The following MBOAT7 variants were observed in gnomAD, a reference collection of about 807,000 sequenced individuals.
MBOAT7 encodes membrane-bound acylglycerophosphatidylinositol O-acyltransferase MBOAT7.
MBOAT7 carries 40 observed loss-of-function variants against 47.4 expected under a neutral mutation model. The ratio of observed to expected loss-of-function variants is 0.84; its 90% CI spans 0.66 to 1.10. MBOAT7 has a LOEUF of 1.10. MBOAT7 is among the 50% of genes least tolerant of loss of function. MBOAT7 has a pLI of 0.00. For synonymous variants in MBOAT7, 361 were observed against 292.0 expected (o/e 1.24, Z -2.41); for missense variants, 680 against 655.6 (o/e 1.04, Z -0.41).
chr19:54,174,729 C>T (rs1241249963), intron 7 of MBOAT7, among the ~76,000 whole-genome samples: 1 of 149,514 alleles, frequency 6.7e-6, no homozygotes, highest in Non-Finnish European at 1.5e-5. Flanking sequence ...AGACCAGACC[C>T]CACCTCCCTC....
At chr19:54,175,142 A>AT (rs1351404315) in intron 7 of MBOAT7, among the ~76,000 whole-genome samples, 1 of 151,740 alleles carries the variant, frequency 6.6e-6, no homozygotes, top group Non-Finnish European at 1.5e-5. Flanking sequence ...CGCCCGGCTA[A>AT]TTTTCTTTTC....
chr19:54,184,114 C>A (rs1262326639), intron 4 of MBOAT7, among the ~76,000 whole-genome samples: 4 of 151,710 alleles, frequency 2.6e-5, no homozygotes, highest in Non-Finnish European at 5.9e-5. Flanking sequence ...ATTGTTCAAG[C>A]CAAAAATCTC....
intron 4 of MBOAT7, among the ~76,000 whole-genome samples, chr19:54,184,341 T>C (rs1177453585): frequency 6.6e-6 from 1 of 151,844 alleles, no homozygotes; most frequent in Non-Finnish European, 1.5e-5. Context: ...TTGAAATCCC[T>C]TAAGTTTGAG....
In MBOAT7 at chr19:54,178,331, C is replaced by T; in HGVS notation, c.1031+434G>A. 3.8e-6 allele frequency: 4 copies of T among 1,050,174 alleles called. No homozygotes were observed. In the South Asian group the frequency reaches 1.2e-4, roughly 31 times the overall value. 65.1% of individuals were successfully genotyped at this position (1,050,174 alleles called of 1,614,324 possible). ...CACAGCACGCACTTACCTGTCAGGC[C>T]TCACATTAAATACATTTCACATTTT... is the stretch of plus-strand genomic sequence containing the variant. On this transcript the variant is annotated intron_variant, in intron 7 of 7. Transcript: ENST00000245615.
At chr19:54,176,815 G>A (rs2076120127) in intron 7 of MBOAT7, among the ~76,000 whole-genome samples, 1 of 152,116 alleles carries the variant, frequency 6.6e-6, no homozygotes, top group South Asian at 2.1e-4. Flanking sequence ...CACTTTGGGA[G>A]GCTGAGATGG....
chr19:54,182,501 T>TG (rs1491106313), intron 5 of MBOAT7, among the ~76,000 whole-genome samples: 1 of 59,606 alleles, frequency 1.7e-5, no homozygotes, highest in Non-Finnish European at 3.5e-5. Flanking sequence ...ATGTTTTGTG[T>TG]TTTGTTTTTT....
chr19:54,188,053 G>GA (rs1184753696), intron 3 of MBOAT7, among the ~76,000 whole-genome samples, 164 bp downstream of exon 3: 12 of 52,738 alleles, frequency 2.3e-4, no homozygotes, highest in African/African-American at 6.4e-4. Context: ...AAGAAAGAAA[G>GA]AAAGAAAGAA....
At chr19:54,174,544 G>A in intron 7 of MBOAT7, 113 bp from the exon 8 acceptor site, 1 of 1,132,316 alleles carries the variant, frequency 8.8e-7, no homozygotes. Flanking sequence ...GAGAAGTGCA[G>A]GCCCAGCCCC....
intron 7 of MBOAT7, 43 bp downstream of exon 7, chr19:54,178,722 T>G (rs1417430360): frequency 6.2e-7 from 1 of 1,602,024 alleles, no homozygotes; most frequent in Non-Finnish European, 8.5e-7. Context: ...TGCTGGGAGA[T>G]GTAGTTCTGC....
At chr19:54,181,615 CAGGG>C (rs1055251541) in intron 5 of MBOAT7, among the ~76,000 whole-genome samples, 20 of 79,848 alleles carry the variant, frequency 2.5e-4, no homozygotes, top group African/African-American at 5.8e-4. Context: ...GCATTCCAGC[CAGGG>C]AGGGAGGGAG....
rs908309742 is a variant in MBOAT7 at position 54,174,534 on chromosome 19, G to A, written c.1032-103C>T. On this transcript the variant is annotated intron_variant, in intron 7 of 7. Transcript: ENST00000245615. ...ACCCCAGCCCCTCCTCCCTCAGACC[G>A]AGAAGTGCAGGCCCAGCCCCTCCTC... The A allele has an allele frequency of 3.9e-5, 47 of 1,200,896 alleles. No homozygotes were observed. The Admixed American group carries it at 5.5e-4, about 14-fold the overall frequency. 74.4% of individuals were successfully genotyped at this position (1,200,896 alleles called of 1,614,324 possible).
At position 54,189,543 on chromosome 19, in the gene MBOAT7, C is replaced by T. The variant is rs1244837849; in HGVS notation, c.-209G>A. 2 of 152,676 alleles carry T rather than the reference C, an allele frequency of 1.3e-5. No individual in the cohort carries two copies. Among genetic ancestry groups the T allele is most frequent in the African/African-American group, 4.8e-5 (2 of 41,482 alleles). The allele number at this position is 152,676 out of a possible 1,614,324, so 9.5% of individuals were successfully genotyped here. A position where few individuals can be genotyped will look rare whatever the true frequency, so the allele number is the denominator to read the frequency against. Reference sequence around the variant, plus strand: ...GAAGCCCCGGAGCAGAAGCCGAGAGCGCGAGTCGGCAACGGGATTCGAGTC... The same window carrying T: ...GAAGCCCCGGAGCAGAAGCCGAGAGTGCGAGTCGGCAACGGGATTCGAGTC... On this transcript the variant is annotated 5_prime_UTR_variant, in exon 1 of 8. Transcript: ENST00000245615.
rs2075981464 is a variant in MBOAT7, at chr19:54,173,751, G to C, written c.*293C>G. 1.0e-5 allele frequency: 4 copies of C among 385,402 alleles called. No homozygotes were observed. The East Asian group carries it at 1.6e-4, about 16-fold the overall frequency. 23.9% of individuals were successfully genotyped at this position (385,402 alleles called of 1,614,324 possible). A position where few individuals can be genotyped will look rare whatever the true frequency, so the allele number is the denominator to read the frequency against. On this transcript the variant is annotated 3_prime_UTR_variant, in exon 8 of 8. Coordinates refer to ENST00000245615, the MANE Select transcript of MBOAT7 (RefSeq NM_024298.5). Reference sequence around the variant, plus strand: ...TTTGCCCAAAACCCACTGCCCAGGGGCCCCTTCCGTTTTGGGGAAGTGCAG... The same window carrying C: ...TTTGCCCAAAACCCACTGCCCAGGGCCCCCTTCCGTTTTGGGGAAGTGCAG...
chr19:54,174,661 C>T (rs2076032114), intron 7 of MBOAT7, among the ~76,000 whole-genome samples: 1 of 143,618 alleles, frequency 7.0e-6, no homozygotes, highest in Non-Finnish European at 1.6e-5. Context: ...GACCCCACCT[C>T]CCTCCTCCCT....
At chr19:54,174,797 A>G (rs2076039032) in intron 7 of MBOAT7, among the ~76,000 whole-genome samples, 1 of 151,982 alleles carries the variant, frequency 6.6e-6, no homozygotes, top group East Asian at 1.9e-4. Context: ...CCATGACCCT[A>G]GCTCCGGAAG....
intron 3 of MBOAT7, among the ~76,000 whole-genome samples, chr19:54,188,014 T>TAAGA (rs1449446333): frequency 1.2e-5 from 1 of 82,394 alleles, no homozygotes; most frequent in African/African-American, 7.2e-5. Context: ...AAACTCCATC[T>TAAGA]CAGAAAGAAA....
At chr19:54,176,273 G>C (rs954492641) in intron 7 of MBOAT7, among the ~76,000 whole-genome samples, 4 of 152,140 alleles carry the variant, frequency 2.6e-5, no homozygotes, top group African/African-American at 9.7e-5. Flanking sequence ...ACAGATGTCA[G>C]CCATTGCACC....
chr19:54,180,593 A>G lies in MBOAT7; in HGVS notation c.854+180T>C, dbSNP rs564861324. ...GCAACAAGGGGCATCTGTCAGTACCAGGGATCTTTTCCCTACCGACAGGGG... is the reference window on the plus strand; with the variant it reads ...GCAACAAGGGGCATCTGTCAGTACCGGGGATCTTTTCCCTACCGACAGGGG... On this transcript the variant is annotated intron_variant, in intron 6 of 7. Coordinates refer to ENST00000245615, the MANE Select transcript of MBOAT7 (RefSeq NM_024298.5). The surrounding 1 kb of genome is among the most constrained non-coding windows in gnomAD (Gnocchi z 5.2). The G allele has an allele frequency of 1.1e-4, 69 of 608,456 alleles. No homozygotes were observed. The African/African-American group carries it at 1.2e-3, about 11-fold the overall frequency. 37.7% of individuals were successfully genotyped at this position (608,456 alleles called of 1,614,324 possible).
chr19:54,187,399 A>G (rs2076459430), intron 3 of MBOAT7, 112 bp from the exon 4 acceptor site: 2 of 1,321,950 alleles, frequency 1.5e-6, no homozygotes, highest in Non-Finnish European at 2.0e-6. Context: ...TCGTTTAGAG[A>G]CAGAAACACA....
Sources: gnomAD v4.1 joint callset for allele counts (sites outside exome capture counted in the v4.1 genomes callset) on GRCh38, gnomAD v4.1.1 for gene constraint, Gnocchi (gnomAD v3.1) non-coding constraint, MANE v1.5 for transcripts, NCBI Gene and HGNC (gene_info 2026-07-23, HGNC 2026-07-21) for gene names.